NTM: variants seen among roughly 807,000 people sequenced by gnomAD.
The protein encoded by NTM is IgLON family member 2.
Under a neutral mutation model 42.1 loss-of-function variants are expected in NTM, and 13 were observed. The ratio of observed to expected loss-of-function variants is 0.31; its 90% CI spans 0.20 to 0.49. The LOEUF (loss-of-function observed/expected upper bound fraction) is 0.49. Ranked by LOEUF, NTM falls within the 20% of genes least tolerant of loss-of-function variation. The pLI, the probability that NTM is intolerant of heterozygous loss-of-function variation, is 0.99. For missense variants in NTM, 373 were observed against 452.8 expected (o/e 0.82, Z 1.60); for synonymous variants, 187 against 179.2 (o/e 1.04, Z -0.35).
rs577123983 is a variant in NTM at position 131,554,595 on chromosome 11, T to C, written c.82+183707T>C. 2.4e-4 allele frequency among the ~76,000 whole-genome samples: 37 copies of C among 152,054 alleles called. No individual in the cohort carries two copies. The South Asian group carries it at 7.7e-3, about 32-fold the overall frequency. On this transcript the variant is annotated intron_variant, in intron 1 of 8. Coordinates refer to ENST00000683400, the MANE Select transcript of NTM (RefSeq NM_001352005.2). ...ACAAGGAATGATAGAATGCTATTTC[T>C]TAGCACTCTGGTCTACTGCATCCTC... is the stretch of plus-strand genomic sequence containing the variant.
Position 132,307,678 on chromosome 11 carries a change from T to C in NTM, c.527-11T>C. ...CTTGTATTTCACCACACGTTACCGG[T>C]TTTCCCGCAGCGGTTGGCTTTGTGA... On this transcript the variant is annotated splice_polypyrimidine_tract_variant and intron_variant, in intron 4 of 8. Transcript: ENST00000683400. The C allele has an allele frequency of 1.2e-6, 2 of 1,613,798 alleles. No homozygotes were observed. Among genetic ancestry groups the C allele is most frequent in the East Asian group, 2.2e-5 (1 of 44,868 alleles).
intron 4 of NTM, among the ~76,000 whole-genome samples, chr11:132,277,666 C>T (rs2093782665): frequency 6.6e-6 from 1 of 152,056 alleles, no homozygotes; most frequent in Non-Finnish European, 1.5e-5. Context: ...ATATCAAAAG[C>T]ATTACTTTTA....
chr11:131,563,462 G>C (rs978065450), intron 1 of NTM, among the ~76,000 whole-genome samples: 2 of 151,944 alleles, frequency 1.3e-5, no homozygotes, highest in African/African-American at 4.8e-5. Flanking sequence ...TACAAGGCTC[G>C]TCCCTGCTCC....
At position 131,613,994 on chromosome 11, in the gene NTM, C is replaced by T. The variant is rs1398219008; in HGVS notation, c.82+243106C>T. On this transcript the variant is annotated intron_variant, in intron 1 of 8. Transcript: ENST00000683400. ...AGACATGCACCATGTTTTTCCCTCC[C>T]TGCTCTGCAGAAAACCTCAAATAGT... 3.9e-5 allele frequency among the ~76,000 whole-genome samples: 6 copies of T among 152,168 alleles called. No individual in the cohort carries two copies. The East Asian group carries it at 1.2e-3, about 29-fold the overall frequency.
intron 1 of NTM, among the ~76,000 whole-genome samples, chr11:131,625,980 G>T (rs1333574607): frequency 6.6e-6 from 1 of 152,062 alleles, no homozygotes; most frequent in Non-Finnish European, 1.5e-5. Flanking sequence ...AGGGCATCTG[G>T]GTAGTTTGCA....
At chr11:131,973,067 A>G (rs2063786959) in intron 2 of NTM, among the ~76,000 whole-genome samples, 1 of 152,230 alleles carries the variant, frequency 6.6e-6, no homozygotes, top group Non-Finnish European at 1.5e-5. Flanking sequence ...ATCTGTGAAG[A>G]ACTCTAAATG....
At chr11:131,954,918 C>T (rs2061407331) in intron 2 of NTM, among the ~76,000 whole-genome samples, 1 of 152,116 alleles carries the variant, frequency 6.6e-6, no homozygotes, top group Non-Finnish European at 1.5e-5. Flanking sequence ...ACACAATATT[C>T]TATTTTCTAA....
intron 1 of NTM, among the ~76,000 whole-genome samples, chr11:131,728,188 A>G (rs997509365): frequency 3.3e-5 from 5 of 152,176 alleles, no homozygotes; most frequent in African/African-American, 1.2e-4. Context: ...TCTGACCACC[A>G]TCTACCTGGA....
chr11:131,591,622 C>G (rs1411111245), intron 1 of NTM, among the ~76,000 whole-genome samples: 1 of 152,224 alleles, frequency 6.6e-6, no homozygotes, highest in South Asian at 2.1e-4. Flanking sequence ...GAAAGGGTCA[C>G]TGATAAAGAA....
At chr11:132,314,354 G>GA (rs2095366595) in intron 6 of NTM, among the ~76,000 whole-genome samples, 198 bp from the exon 7 acceptor site, 1 of 152,172 alleles carries the variant, frequency 6.6e-6, no homozygotes, top group South Asian at 2.1e-4. Context: ...GCACATGTGT[G>GA]AAAATCAAGA....
chr11:131,933,742 C>T (rs73580778), intron 2 of NTM, among the ~76,000 whole-genome samples: 193 of 152,046 alleles, frequency 1.3e-3, no homozygotes, highest in African/African-American at 3.9e-3. Flanking sequence ...ATCAAAGTCC[C>T]GTGGGCGATG....
intron 1 of NTM, among the ~76,000 whole-genome samples, chr11:131,890,773 C>T (rs926189811): frequency 1.3e-5 from 2 of 152,154 alleles, no homozygotes; most frequent in Non-Finnish European, 2.9e-5. Context: ...CACCCGGACG[C>T]ATGCTAAGTG....
intron 3 of NTM, among the ~76,000 whole-genome samples, chr11:132,171,828 T>C: frequency 6.6e-6 from 1 of 152,246 alleles, no homozygotes; most frequent in East Asian, 1.9e-4. Context: ...AGATGAGCCC[T>C]GTCTGCAGGG....
chr11:131,624,382 A>G (rs2062891696), intron 1 of NTM, among the ~76,000 whole-genome samples: 1 of 152,188 alleles, frequency 6.6e-6, no homozygotes, highest in African/African-American at 2.4e-5. Context: ...TCATCTGTAG[A>G]ACGGGCACAG....
At chr11:131,733,724 T>TG (rs529462158) in intron 1 of NTM, among the ~76,000 whole-genome samples, 4 of 151,878 alleles carry the variant, frequency 2.6e-5, no homozygotes, top group East Asian at 3.9e-4. Context: ...TTAGTAGAGA[T>TG]GGGGGGGTTT....
At chr11:131,819,441 C>T (rs117051316) in intron 1 of NTM, among the ~76,000 whole-genome samples, 1,975 of 152,258 alleles carry the variant, frequency 0.013, 17 homozygotes, top group Middle Eastern at 0.031. Flanking sequence ...CTCACATACC[C>T]GCTCACTCAT....
At chr11:131,857,631 A>G (rs1047335251) in intron 1 of NTM, among the ~76,000 whole-genome samples, 11 of 152,228 alleles carry the variant, frequency 7.2e-5, no homozygotes, top group Admixed American at 2.0e-4. Flanking sequence ...AGTCAGGAAA[A>G]ACGAGAAATT....
intron 4 of NTM, among the ~76,000 whole-genome samples, chr11:132,221,084 C>T (rs1315561287): frequency 1.3e-5 from 2 of 152,166 alleles, no homozygotes; most frequent in Admixed American, 6.5e-5. Flanking sequence ...CTGGGAGAAA[C>T]TTTCGGATGA....
At chr11:131,652,213 G>A (rs892632925) in intron 1 of NTM, among the ~76,000 whole-genome samples, 1 of 152,220 alleles carries the variant, frequency 6.6e-6, no homozygotes, top group East Asian at 1.9e-4. Context: ...AAGAGCCTAA[G>A]AATGGAGGTA....
Sources: gnomAD v4.1 joint callset for allele counts (sites outside exome capture counted in the v4.1 genomes callset) on GRCh38, gnomAD v4.1.1 for gene constraint, MANE v1.5 for transcripts, NCBI Gene and HGNC (gene_info 2026-07-23, HGNC 2026-07-21) for gene names.